Variants in LRRC1 observed in about 807,000 individuals in gnomAD.
LRRC1 encodes the protein leucine rich repeat containing 1.
Under a neutral mutation model 69.9 loss-of-function variants are expected in LRRC1, and 28 were observed. The ratio of observed to expected loss-of-function variants is 0.40; its 90% CI spans 0.30 to 0.55. LRRC1 has a LOEUF of 0.55. LRRC1 is among the 20% of genes least tolerant of loss of function. LRRC1 has a pLI of 0.47. For missense variants in LRRC1, 498 were observed against 609.0 expected, an observed-to-expected ratio of 0.82 and a Z score of 1.92; for synonymous variants, 236 against 240.2, an observed-to-expected ratio of 0.98 and a Z score of 0.16.
rs550775137 is a variant in LRRC1 at position 53,815,977 on chromosome 6, T to C, written c.159+20562T>C. 2.6e-5 allele frequency among the ~76,000 whole-genome samples: 4 copies of C among 152,352 alleles called. 1 individual carries two copies. In the South Asian group the frequency reaches 8.3e-4, roughly 32 times the overall value. ...AACGAGTACCCAAGCATGTTGCTGCTTTTAGTTTTCATCTCTGCTTTGTAA... is the reference window on the plus strand; with the variant it reads ...AACGAGTACCCAAGCATGTTGCTGCCTTTAGTTTTCATCTCTGCTTTGTAA... On this transcript the variant is annotated intron_variant, in intron 1 of 13. Transcript: ENST00000370888.
At chr6:53,880,557 T>G (rs1767255592) in intron 3 of LRRC1, among the ~76,000 whole-genome samples, 1 of 152,194 alleles carries the variant, frequency 6.6e-6, no homozygotes, top group Non-Finnish European at 1.5e-5. Flanking sequence ...GTTAGCTCAT[T>G]TCATGCCTCT....
intron 2 of LRRC1, among the ~76,000 whole-genome samples, chr6:53,842,931 C>A (rs1765834845): frequency 6.6e-6 from 1 of 152,162 alleles, no homozygotes; most frequent in Non-Finnish European, 1.5e-5. Flanking sequence ...ATAGATACCC[C>A]AATGGGATAC....
intron 1 of LRRC1, among the ~76,000 whole-genome samples, chr6:53,795,891 C>G (rs780529705): frequency 1.3e-5 from 2 of 152,266 alleles, no homozygotes; most frequent in Non-Finnish European, 2.9e-5. Flanking sequence ...GGGCAGCGCT[C>G]AAGCGGGCCG....
chr6:53,821,152 C>T (rs1242615714), intron 1 of LRRC1, among the ~76,000 whole-genome samples: 1 of 152,220 alleles, frequency 6.6e-6, no homozygotes, highest in African/African-American at 2.4e-5. Context: ...GTTCAGCTCT[C>T]ACTGCAGAAA....
intron 8 of LRRC1, among the ~76,000 whole-genome samples, chr6:53,900,371 T>C (rs914963538): frequency 6.6e-6 from 1 of 151,960 alleles, no homozygotes; most frequent in Non-Finnish European, 1.5e-5. Flanking sequence ...AAGCAAAGAG[T>C]ATTTATTACA....
At chr6:53,861,759 A>G (rs1420015587) in intron 2 of LRRC1, among the ~76,000 whole-genome samples, 1 of 151,802 alleles carries the variant, frequency 6.6e-6, no homozygotes, top group Non-Finnish European at 1.5e-5. Flanking sequence ...TGTTACCCAG[A>G]GAAGGTTTTT....
Position 53,919,477 on chromosome 6 carries a change from TAAAAA to T in LRRC1, c.1107-8_1107-4del. Reference sequence around the variant, plus strand: ...TTTGAGGTTGTGATGTCTCTTTTTTTAAAAAAAAAAAAAAAAACAGGTTGCTGCAT... The same window carrying T: ...TTTGAGGTTGTGATGTCTCTTTTTTTAAAAAAAAAAAACAGGTTGCTGCAT... On this transcript the variant is annotated splice_polypyrimidine_tract_variant and intron_variant, in intron 11 of 13. Transcript: ENST00000370888. 5 of 1,256,406 alleles carry T rather than the reference TAAAAA, an allele frequency of 4.0e-6. No homozygotes were observed. The highest frequency in any genetic ancestry group is 1.8e-5 in the South Asian group (1 of 55,820). The allele number at this position is 1,256,406 out of a possible 1,614,324, so 77.8% of individuals were successfully genotyped here. A position where few individuals can be genotyped will look rare whatever the true frequency, so the allele number is the denominator to read the frequency against.
At chr6:53,909,812 T>G (rs1241406114) in intron 10 of LRRC1, among the ~76,000 whole-genome samples, 1 of 152,226 alleles carries the variant, frequency 6.6e-6, no homozygotes, top group Non-Finnish European at 1.5e-5. Flanking sequence ...ATTTTACTTA[T>G]TGTACACTTT....
At chr6:53,849,744 A>G (rs1418089846) in intron 2 of LRRC1, among the ~76,000 whole-genome samples, 2 of 152,262 alleles carry the variant, frequency 1.3e-5, no homozygotes, top group Non-Finnish European at 2.9e-5. Context: ...AATTAGCTTT[A>G]TAAGTGTTGA....
intron 1 of LRRC1, among the ~76,000 whole-genome samples, chr6:53,801,789 A>G (rs1260861810): frequency 6.6e-6 from 1 of 152,198 alleles, no homozygotes; most frequent in East Asian, 1.9e-4. Context: ...TGGAGATTAG[A>G]GTCTCTTCAA....
At chr6:53,887,489 C>T (rs1373552758) in intron 4 of LRRC1, among the ~76,000 whole-genome samples, 1 of 149,452 alleles carries the variant, frequency 6.7e-6, no homozygotes, top group African/African-American at 2.5e-5. Context: ...GGGGTAGGGA[C>T]TCTTTGAGGT....
chr6:53,903,340 C>A (rs572532428), intron 9 of LRRC1, among the ~76,000 whole-genome samples: 1 of 144,220 alleles, frequency 6.9e-6, no homozygotes, highest in Non-Finnish European at 1.5e-5. Context: ...AGGGGCAATG[C>A]GTGCACCCCC....
At chr6:53,867,761 C>T (rs745511728) in intron 2 of LRRC1, among the ~76,000 whole-genome samples, 5 of 151,818 alleles carry the variant, frequency 3.3e-5, no homozygotes, top group Non-Finnish European at 5.9e-5. Context: ...TTGAGACCAG[C>T]CAGGGCAAGA....
In LRRC1 at chr6:53,869,127, G is replaced by A. The variant is rs141655384; in HGVS notation, c.278-9866G>A. ...CTCTTATGGCTGTTCGGATTTGATG[G>A]AGGACAAATTGAATAGAGAGAGAGA... is the stretch of plus-strand genomic sequence containing the variant. On this transcript the variant is annotated intron_variant, in intron 2 of 13. Transcript: ENST00000370888. Among the ~76,000 whole-genome samples, 299 of 152,268 alleles carry A rather than the reference G, an allele frequency of 2.0e-3. 4 individuals carry two copies. In the East Asian group the frequency reaches 0.041, roughly 21 times the overall value.
chr6:53,871,808 C>T (rs112447213), intron 2 of LRRC1, among the ~76,000 whole-genome samples: 2,685 of 152,248 alleles, frequency 0.018, 85 homozygotes, highest in African/African-American at 0.062. Flanking sequence ...GCCGGGATTA[C>T]AGGCAAGTGC....
chr6:53,913,786 G>C (rs779849341), intron 10 of LRRC1, 68 bp from the exon 11 acceptor site: 1 of 956,508 alleles, frequency 1.0e-6, no homozygotes, highest in African/African-American at 1.6e-5. Context: ...TGGTAAACAA[G>C]GTACTCTGAT....
chr6:53,922,708 G>A lies in LRRC1; in HGVS notation c.1490G>A (p.Arg497Gln), dbSNP rs1243209266. The stretch of plus-strand genomic sequence containing the variant: ...ATGAAAAAGACAGTGGAGAATTTAC[G>A]GAATGACATGAATGCTGCTAAAGGA... Reference protein sequence around the residue: ...KHMKKTVENLRNDMNAAKGLD... With the variant: ...KHMKKTVENLQNDMNAAKGLD... The change falls in exon 14 of 14, where the codon CGG becomes CAG. Residue 497 changes from arginine to glutamine, a missense_variant. Arg to Gln is a conservative substitution (Grantham distance 43). Coordinates refer to ENST00000370888, the MANE Select transcript of LRRC1 (RefSeq NM_018214.5). 12 of 1,614,040 alleles carry A rather than the reference G, an allele frequency of 7.4e-6. No homozygotes were observed. Among genetic ancestry groups the A allele is most frequent in the Admixed American group, 1.7e-5 (1 of 60,018 alleles).
At chr6:53,920,343 T>C (rs547339813) in intron 12 of LRRC1, among the ~76,000 whole-genome samples, 3 of 152,326 alleles carry the variant, frequency 2.0e-5, no homozygotes, top group African/African-American at 7.2e-5. Context: ...TGTGATGAAA[T>C]AGTAAACATA....
At chr6:53,824,789 A>G (rs574981178) in intron 1 of LRRC1, among the ~76,000 whole-genome samples, 4 of 152,300 alleles carry the variant, frequency 2.6e-5, no homozygotes, top group Admixed American at 1.3e-4. Context: ...CTGAGCTTGT[A>G]GAATCCTAGG....
Sources: gnomAD v4.1 joint callset for allele counts (sites outside exome capture counted in the v4.1 genomes callset) on GRCh38, gnomAD v4.1.1 for gene constraint, MANE v1.5 for transcripts, NCBI Gene and HGNC (gene_info 2026-07-23, HGNC 2026-07-21) for gene names.